Variants in WNK1 observed in about 807,000 individuals in gnomAD.
WNK1 encodes the protein serine/threonine-protein kinase WNK1.
WNK1 carries 38 observed loss-of-function variants against 222.8 expected under a neutral mutation model. That is an observed-to-expected ratio of 0.17 (90% CI 0.13 to 0.22). The LOEUF (loss-of-function observed/expected upper bound fraction) is 0.22. WNK1 is among the 10% of genes least tolerant of loss of function. The probability of loss-of-function intolerance (pLI) is 1.00; values close to 1 mark genes in which losing one functional copy is unlikely to be tolerated. For synonymous variants in WNK1, 1,090 were observed against 1,092.9 expected (o/e 1.00, Z 0.05); for missense variants, 2,348 against 2,918.4 (o/e 0.80, Z 4.50).
rs554293121 is a variant in WNK1 at position 786,113 on chromosome 12, GA to G, written c.760-27525del. On this transcript the variant is annotated intron_variant, in intron 1 of 27. Coordinates refer to ENST00000315939, the MANE Select transcript of WNK1 (RefSeq NM_018979.4). Reference sequence around the variant, plus strand: ...AAAAATTGAAGTTCTATGTTTATTTGAAAATAGTATTTATTAAGGGAAAAAA... The same window carrying G: ...AAAAATTGAAGTTCTATGTTTATTTGAAATAGTATTTATTAAGGGAAAAAA... Among the ~76,000 whole-genome samples, 216 of 152,176 alleles carry G rather than the reference GA, an allele frequency of 1.4e-3. 1 individual carries two copies. Among genetic ancestry groups the G allele is most frequent in the African/African-American group, 5.0e-3 (208 of 41,502 alleles).
chr12:754,242 A>G lies in WNK1; in HGVS notation c.677A>G (p.Glu226Gly). Residue 226 changes from glutamate to glycine, a missense_variant, in exon 1 of 28, where the codon GAA becomes GGA. Coordinates refer to ENST00000315939, the MANE Select transcript of WNK1 (RefSeq NM_018979.4). Reference protein sequence around the residue: ...NDGRFLKFDIEIGRGSFKTVY... With the variant: ...NDGRFLKFDIGIGRGSFKTVY... Reference sequence around the variant, plus strand: ...GGCCGCTTTCTCAAGTTTGACATCGAAATCGGCAGAGGCTCCTTTAAGACG... The same window carrying G: ...GGCCGCTTTCTCAAGTTTGACATCGGAATCGGCAGAGGCTCCTTTAAGACG... 1 of 1,613,712 alleles carries G rather than the reference A, an allele frequency of 6.2e-7. No individual in the cohort carries two copies. Among genetic ancestry groups the G allele is most frequent in the Non-Finnish European group, 8.5e-7 (1 of 1,180,034 alleles).
intron 1 of WNK1, among the ~76,000 whole-genome samples, chr12:774,121 G>A (rs1457360354): frequency 2.0e-5 from 3 of 152,018 alleles, no homozygotes; most frequent in African/African-American, 4.8e-5. Context: ...CACCTACACC[G>A]CTTGTCATTG....
chr12:868,688 C>T lies in WNK1; in HGVS notation c.2140-2577C>T, dbSNP rs779146935. The stretch of plus-strand genomic sequence containing the variant: ...AGAAGGAGGTGGAATTTTACCTCAG[C>T]GTGTTTACCGAAATCGGCAGGTTGC... On this transcript the variant is annotated intron_variant, in intron 8 of 27. Transcript: ENST00000315939. 19 of 1,613,752 alleles carry T rather than the reference C, an allele frequency of 1.2e-5. No homozygotes were observed. In the East Asian group the frequency reaches 2.5e-4, roughly 21 times the overall value.
chr12:892,061 ATC>A (rs1565596299), intron 22 of WNK1, among the ~76,000 whole-genome samples: 9 of 138,324 alleles, frequency 6.5e-5, no homozygotes, highest in Non-Finnish European at 1.1e-4. Flanking sequence ...TGGCTTGGAA[ATC>A]TTTTTTTTTT....
intron 8 of WNK1, among the ~76,000 whole-genome samples, chr12:862,710 C>T (rs931849801): frequency 6.6e-6 from 1 of 152,172 alleles, no homozygotes; most frequent in African/African-American, 2.4e-5. Context: ...TGTGAGTACT[C>T]TAGATTGAGG....
intron 25 of WNK1, 55 bp downstream of exon 25, chr12:897,736 C>A: frequency 6.4e-7 from 1 of 1,560,922 alleles, no homozygotes. Flanking sequence ...GTTTCTGTCT[C>A]CAGCTGTATG....
Position 909,192 on chromosome 12 carries a change from T to G in WNK1, c.*400T>G. The stretch of plus-strand genomic sequence containing the variant: ...TACATGCCCTGAATCCCTCACTCCC[T>G]CAAGAATCCGAACCACAGGACAAAA... On this transcript the variant is annotated 3_prime_UTR_variant, in exon 28 of 28. Transcript: ENST00000315939. The G allele has an allele frequency of 4.5e-6, 1 of 221,686 alleles. No individual in the cohort carries two copies. Among genetic ancestry groups the G allele is most frequent in the East Asian group, 1.1e-4 (1 of 8,860 alleles). The allele number at this position is 221,686 out of a possible 1,614,324, so 13.7% of individuals were successfully genotyped here. A position where few individuals can be genotyped will look rare whatever the true frequency, so the allele number is the denominator to read the frequency against.
At chr12:815,169 T>C (rs55909295) in intron 2 of WNK1, among the ~76,000 whole-genome samples, 5,779 of 152,300 alleles carry the variant, frequency 0.038, 151 homozygotes, top group Non-Finnish European at 0.06. Context: ...TGGACTGATA[T>C]TGATCTGTGG....
chr12:807,711 CTTTTTT>C (rs869122990), intron 1 of WNK1, among the ~76,000 whole-genome samples: 1 of 78,776 alleles, frequency 1.3e-5, no homozygotes, highest in African/African-American at 4.8e-5. Flanking sequence ...AGCAATAATT[CTTTTTT>C]TTTTTTTTTT....
At chr12:791,694 AT>A (rs1295209275) in intron 1 of WNK1, among the ~76,000 whole-genome samples, 2 of 152,234 alleles carry the variant, frequency 1.3e-5, no homozygotes. Context: ...GGCAGATAAA[AT>A]TGTCATTTAC....
At chr12:834,321 A>G (rs1047796518) in intron 4 of WNK1, among the ~76,000 whole-genome samples, 4 of 152,220 alleles carry the variant, frequency 2.6e-5, no homozygotes, top group African/African-American at 9.7e-5. Context: ...TTGGTAATTA[A>G]GAGGCAAACT....
chr12:787,140 A>G (rs1409940344), intron 1 of WNK1, among the ~76,000 whole-genome samples: 3 of 152,252 alleles, frequency 2.0e-5, no homozygotes, highest in Non-Finnish European at 2.9e-5. Flanking sequence ...ATATTAGACT[A>G]TAAATCTACT....
intron 20 of WNK1, 147 bp from the exon 21 acceptor site, chr12:888,993 T>C: frequency 1.4e-6 from 1 of 730,632 alleles, no homozygotes; most frequent in Non-Finnish European, 2.5e-6. Context: ...TACACTAAAT[T>C]TGAGTATAGT....
chr12:879,446 G>GTTTTTTTTTTTT, intron 10 of WNK1, 127 bp from the exon 11 acceptor site: 2 of 530,864 alleles, frequency 3.8e-6, no homozygotes, highest in Non-Finnish European at 2.9e-6. Context: ...TTGGTTTGGT[G>GTTTTTTTTTTTT]TTTTTTTTTT....
intron 26 of WNK1, among the ~76,000 whole-genome samples, chr12:905,917 G>T (rs1482859435): frequency 1.3e-5 from 2 of 152,142 alleles, no homozygotes; most frequent in Non-Finnish European, 2.9e-5. Flanking sequence ...TGCCATAGCG[G>T]TAAGAAGCAT....
chr12:753,581 G>A lies in WNK1; in HGVS notation c.16G>A (p.Ala6Thr), dbSNP rs1939509133. The change falls in exon 1 of 28, where the codon GCA becomes ACA. Residue 6 changes from alanine to threonine, a missense_variant. Physicochemically the swap from Ala to Thr is moderately conservative, Grantham distance 58 (BLOSUM62 0). Around this residue, in one of 13 missense-constraint regions of WNK1, gnomAD observed 108 missense variants for 109.7 expected, o/e 0.98. Coordinates refer to ENST00000315939, the MANE Select transcript of WNK1 (RefSeq NM_018979.4). This position sits in a 1 kb window ranked among gnomAD's most constrained non-coding sequence, Gnocchi z 5.2. ...CGAACCGACCATGTCTGGCGGCGCC[G>A]CAGAGAAGCAGAGCAGCACTCCCGG... is the stretch of plus-strand genomic sequence containing the variant. MSGGA[A>T]EKQSSTPGSL... 1 of 1,612,430 alleles carries A rather than the reference G, an allele frequency of 6.2e-7. No individual in the cohort carries two copies. Among genetic ancestry groups the A allele is most frequent in the African/African-American group, 1.3e-5 (1 of 74,918 alleles).
At chr12:802,402 G>A (rs922639337) in intron 1 of WNK1, among the ~76,000 whole-genome samples, 2 of 152,094 alleles carry the variant, frequency 1.3e-5, no homozygotes, top group African/African-American at 4.8e-5. Context: ...CTTTTTACAC[G>A]TATCACAGTT....
rs535033666 is a variant in WNK1 at position 848,432 on chromosome 12, T to G, written c.1312-8729T>G. Reference sequence around the variant, plus strand: ...GAGATGAGGTATTAGAAATCAGAACTTTGATGGTTACTTTTGTAATACAAA... The same window carrying G: ...GAGATGAGGTATTAGAAATCAGAACGTTGATGGTTACTTTTGTAATACAAA... On this transcript the variant is annotated intron_variant, in intron 4 of 27. Coordinates refer to ENST00000315939, the MANE Select transcript of WNK1 (RefSeq NM_018979.4). Among the ~76,000 whole-genome samples, 9 of 151,702 alleles carry G rather than the reference T, an allele frequency of 5.9e-5. No homozygotes were observed. In the East Asian group the frequency reaches 1.7e-3, roughly 29 times the overall value.
At chr12:837,501 G>A (rs2154033005) in intron 4 of WNK1, among the ~76,000 whole-genome samples, 1 of 151,272 alleles carries the variant, frequency 6.6e-6, no homozygotes, top group South Asian at 2.1e-4. Flanking sequence ...TTGAACCCGG[G>A]AGGCAGAGGT....
Sources: allele counts gnomAD v4.1 joint callset (sites outside exome capture counted in the v4.1 genomes callset), GRCh38; gene constraint gnomAD v4.1.1; regional missense constraint gnomAD v4.1.1; non-coding constraint Gnocchi (gnomAD v3.1); transcripts MANE v1.5; gene names NCBI Gene and HGNC (gene_info 2026-07-23, HGNC 2026-07-21).